Variants in NAALADL2 observed in about 807,000 individuals in gnomAD.
The protein encoded by NAALADL2 is N-acetylated alpha-linked acidic dipeptidase like 2, also known as inactive N-acetylated-alpha-linked acidic dipeptidase-like protein 2.
Under a neutral mutation model 87.2 loss-of-function variants are expected in NAALADL2, and 76 were observed. The ratio of observed to expected loss-of-function variants is 0.87; its 90% CI spans 0.72 to 1.05. The LOEUF (loss-of-function observed/expected upper bound fraction) is 1.05. Ranked by LOEUF, NAALADL2 falls within the 50% of genes least tolerant of loss-of-function variation. The probability of loss-of-function intolerance (pLI) is 0.00; values close to 1 mark genes in which losing one functional copy is unlikely to be tolerated. For missense variants in NAALADL2, 1,089 were observed against 945.8 expected (o/e 1.15, Z -1.99); for synonymous variants, 354 against 331.0 (o/e 1.07, Z -0.75).
chr3:175,223,196 G>A (rs11720567), intron 2 of NAALADL2, among the ~76,000 whole-genome samples: 22,509 of 151,014 alleles, frequency 0.15, 2,118 homozygotes, highest in Admixed American at 0.24. Flanking sequence ...CCATAGTCAC[G>A]AATTTGTACA....
chr3:175,206,319 CAT>C (rs1491489003), intron 2 of NAALADL2, among the ~76,000 whole-genome samples: 4 of 126,108 alleles, frequency 3.2e-5, no homozygotes, highest in African/African-American at 7.1e-5. Flanking sequence ...TATACACATA[CAT>C]ACACACACAC....
intron 1 of NAALADL2, among the ~76,000 whole-genome samples, chr3:175,067,512 CAG>C (rs949029042): frequency 6.6e-6 from 1 of 152,038 alleles, no homozygotes; most frequent in African/African-American, 2.4e-5. Flanking sequence ...CACTGATTAT[CAG>C]AGAAATGTAA....
chr3:175,262,899 A>T (rs1751305614), intron 4 of NAALADL2, among the ~76,000 whole-genome samples: 1 of 151,930 alleles, frequency 6.6e-6, no homozygotes, highest in Non-Finnish European at 1.5e-5. Flanking sequence ...TTTTATGAAC[A>T]AAAATGAAAA....
chr3:175,133,457 C>G (rs533834427), intron 2 of NAALADL2, among the ~76,000 whole-genome samples: 1 of 152,230 alleles, frequency 6.6e-6, no homozygotes, highest in African/African-American at 2.4e-5. Context: ...AACCAGACTC[C>G]GTCTGCAATC....
chr3:174,826,992 A>G (rs1054264112), intron 3 of NAALADL2, among the ~76,000 whole-genome samples: 3 of 152,220 alleles, frequency 2.0e-5, no homozygotes, highest in African/African-American at 7.2e-5. Flanking sequence ...TAACTAGCAG[A>G]TTGAATAAGA....
intron 1 of NAALADL2, among the ~76,000 whole-genome samples, chr3:174,913,194 C>G (rs928490495): frequency 6.6e-6 from 1 of 152,114 alleles, no homozygotes; most frequent in Non-Finnish European, 1.5e-5. Flanking sequence ...TTATTTTCGA[C>G]TTGTCTTACC....
intron 2 of NAALADL2, among the ~76,000 whole-genome samples, chr3:175,231,028 T>C (rs554976614): frequency 6.6e-6 from 1 of 151,966 alleles, no homozygotes; most frequent in African/African-American, 2.4e-5. Flanking sequence ...TTAGGAAAAC[T>C]GATTAAAAAC....
In NAALADL2 at chr3:174,792,538, C is replaced by T. The variant is rs536417401; in HGVS notation, c.-9+54792C>T. ...ATAGATGGCTGTGGCATCAATTCTT[C>T]TTCTATCACATGATTCTTACATGTT... is the stretch of plus-strand genomic sequence containing the variant. On this transcript the variant is annotated intron_variant, in intron 3 of 3. Coordinates refer to the NAALADL2 transcript ENST00000434257. Among the ~76,000 whole-genome samples, 4 of 152,226 alleles carry T rather than the reference C, an allele frequency of 2.6e-5. No homozygotes were observed. The East Asian group carries it at 5.8e-4, about 22-fold the overall frequency.
intron 3 of NAALADL2, among the ~76,000 whole-genome samples, chr3:174,770,359 C>G (rs1012685231): frequency 2.0e-5 from 3 of 152,204 alleles, no homozygotes; most frequent in African/African-American, 7.2e-5. Context: ...GAGAACAGTA[C>G]TGCCTTGGAG....
chr3:174,892,430 T>C (rs1730968256), intron 1 of NAALADL2, among the ~76,000 whole-genome samples: 1 of 152,074 alleles, frequency 6.6e-6, no homozygotes, highest in Non-Finnish European at 1.5e-5. Flanking sequence ...TTTGAAAATA[T>C]ACTGTCAGAG....
At chr3:174,626,511 A>G (rs917590305) in intron 2 of NAALADL2, among the ~76,000 whole-genome samples, 1 of 151,932 alleles carries the variant, frequency 6.6e-6, no homozygotes, top group African/African-American at 2.4e-5. Flanking sequence ...CTTTGTCTTG[A>G]AAAAATAACC....
rs1714198191 is a variant in NAALADL2, at chr3:175,414,403, A to AT, written c.1091-32820dup. On this transcript the variant is annotated intron_variant, in intron 5 of 13. Transcript: ENST00000454872. Reference sequence around the variant, plus strand: ...ATATTTAGTATCTTTTGGTCCCTCTATTTTTTGATGTTTAATACAAATTTG... The same window carrying AT: ...ATATTTAGTATCTTTTGGTCCCTCTATTTTTTTGATGTTTAATACAAATTTG... 2.0e-5 allele frequency among the ~76,000 whole-genome samples: 3 copies of AT among 152,140 alleles called. No individual in the cohort carries two copies. In the South Asian group the frequency reaches 6.2e-4, roughly 32 times the overall value.
intron 11 of NAALADL2, among the ~76,000 whole-genome samples, chr3:175,723,766 TA>T (rs149649518): frequency 0.015 from 2,285 of 152,154 alleles, 56 homozygotes; most frequent in African/African-American, 0.051. Context: ...TTTTCTCCTT[TA>T]AAAAAATCCT....
intron 5 of NAALADL2, among the ~76,000 whole-genome samples, chr3:175,329,119 A>G (rs907826640): frequency 2.0e-5 from 3 of 152,192 alleles, no homozygotes; most frequent in Non-Finnish European, 2.9e-5. Flanking sequence ...ACTACCAGTT[A>G]ATTGTTTGTC....
At chr3:175,080,853 C>G (rs1268040191) in intron 1 of NAALADL2, among the ~76,000 whole-genome samples, 1 of 152,140 alleles carries the variant, frequency 6.6e-6, no homozygotes, top group Non-Finnish European at 1.5e-5. Flanking sequence ...AACCACTTAA[C>G]TATGTTGTGT....
intron 1 of NAALADL2, among the ~76,000 whole-genome samples, chr3:174,498,192 C>T (rs966810290): frequency 2.6e-5 from 4 of 152,070 alleles, no homozygotes; most frequent in African/African-American, 9.7e-5. Flanking sequence ...GTAGTCCTTA[C>T]CTCTTGCCCT....
intron 2 of NAALADL2, among the ~76,000 whole-genome samples, chr3:174,599,007 T>G (rs1434169464): frequency 2.0e-5 from 3 of 152,190 alleles, no homozygotes; most frequent in African/African-American, 7.2e-5. Flanking sequence ...CCTTTTCTAG[T>G]CTACTGTGAC....
At chr3:175,199,866 T>TATATATA (rs1739743130) in intron 2 of NAALADL2, among the ~76,000 whole-genome samples, 2 of 10,044 alleles carry the variant, frequency 2.0e-4, no homozygotes, top group Non-Finnish European at 3.6e-4. Context: ...ATATATATAT[T>TATATATA]TTTTTTTTTT....
At chr3:174,535,121 G>A (rs538800002) in intron 1 of NAALADL2, among the ~76,000 whole-genome samples, 14 of 152,232 alleles carry the variant, frequency 9.2e-5, no homozygotes, top group African/African-American at 3.1e-4. Context: ...TTGTTTATGA[G>A]CTCTACTGAA....
Sources: allele counts gnomAD v4.1 joint callset (sites outside exome capture counted in the v4.1 genomes callset), GRCh38; gene constraint gnomAD v4.1.1; transcripts MANE v1.5; gene names NCBI Gene and HGNC (gene_info 2026-07-23, HGNC 2026-07-21).